Variants in NRG3 observed in about 807,000 individuals in gnomAD.
NRG3 encodes pro-neuregulin-3, membrane-bound isoform.
Under a neutral mutation model 66.9 loss-of-function variants are expected in NRG3, and 31 were observed. The observed-to-expected ratio is 0.46, with a 90% CI of 0.35 to 0.63. The LOEUF (loss-of-function observed/expected upper bound fraction) is 0.63, where lower values mean the gene tolerates loss of function less well. NRG3 is among the 20% of genes least tolerant of loss of function. The probability of loss-of-function intolerance (pLI) is 0.00; values close to 1 mark genes in which losing one functional copy is unlikely to be tolerated. For missense variants in NRG3, 910 were observed against 878.9 expected, an observed-to-expected ratio of 1.04 and a Z score of -0.45; for synonymous variants, 393 against 359.4, an observed-to-expected ratio of 1.09 and a Z score of -1.06.
chr10:82,587,681 C>T (rs1049794571), intron 2 of NRG3, among the ~76,000 whole-genome samples: 7 of 152,030 alleles, frequency 4.6e-5, no homozygotes, highest in Admixed American at 2.6e-4. Flanking sequence ...GTTCTAGAGC[C>T]GCTGATATGA....
intron 1 of NRG3, among the ~76,000 whole-genome samples, chr10:82,047,780 G>C (rs2133090272): frequency 6.6e-6 from 1 of 151,694 alleles, no homozygotes; most frequent in East Asian, 1.9e-4. Flanking sequence ...TGGACTAAAT[G>C]CTCCAATTAA....
intron 1 of NRG3, among the ~76,000 whole-genome samples, chr10:82,010,579 A>C (rs2061536486): frequency 6.6e-6 from 1 of 152,204 alleles, no homozygotes; most frequent in African/African-American, 2.4e-5. Flanking sequence ...TCTGCTGATC[A>C]TCTACTGCCT....
chr10:82,583,181 A>G (rs957436467), intron 2 of NRG3, among the ~76,000 whole-genome samples: 2 of 150,928 alleles, frequency 1.3e-5, no homozygotes, highest in Admixed American at 6.6e-5. Flanking sequence ...GAAGAAAAGC[A>G]CATGATTGAA....
At chr10:82,371,369 T>C (rs1377706529) in intron 2 of NRG3, among the ~76,000 whole-genome samples, 1 of 152,194 alleles carries the variant, frequency 6.6e-6, no homozygotes, top group South Asian at 2.1e-4. Flanking sequence ...TGTGAGGCTA[T>C]AGAATGGCAC....
intron 2 of NRG3, among the ~76,000 whole-genome samples, chr10:82,535,623 A>G (rs1427598021): frequency 6.6e-6 from 1 of 152,198 alleles, no homozygotes; most frequent in East Asian, 1.9e-4. Context: ...TTTTACATTT[A>G]GTCACACTAA....
At position 82,128,948 on chromosome 10, in the gene NRG3, CTG is replaced by C. The variant is rs2068633129; in HGVS notation, c.824-229789_824-229788del. ...AAATTTTTGAAGGTGGAGTCTCACTCTGTCATCCAGGCTGGAGTGCAGTGGCG... is the reference window on the plus strand; with the variant it reads ...AAATTTTTGAAGGTGGAGTCTCACTCTCATCCAGGCTGGAGTGCAGTGGCG... On this transcript the variant is annotated intron_variant, in intron 1 of 8. Coordinates refer to ENST00000372141, the MANE Select transcript of NRG3 (RefSeq NM_001010848.4). 2.0e-5 allele frequency among the ~76,000 whole-genome samples: 3 copies of C among 152,134 alleles called. No individual in the cohort carries two copies. The East Asian group carries it at 5.8e-4, about 29-fold the overall frequency.
chr10:82,615,130 G>C (rs1164398510), intron 2 of NRG3, among the ~76,000 whole-genome samples: 1 of 152,114 alleles, frequency 6.6e-6, no homozygotes, highest in Non-Finnish European at 1.5e-5. Flanking sequence ...TCAAATGCTT[G>C]TTAATTACCT....
intron 3 of NRG3, chr10:82,799,911 C>T (rs1470830029): frequency 6.6e-6 from 1 of 152,150 alleles, no homozygotes; most frequent in Non-Finnish European, 1.5e-5. Flanking sequence ...TCTGTGAATC[C>T]CTTTGACTTT....
chr10:82,451,533 G>T (rs1336321510), intron 2 of NRG3, among the ~76,000 whole-genome samples: 1 of 152,130 alleles, frequency 6.6e-6, no homozygotes, highest in African/African-American at 2.4e-5. Flanking sequence ...GAGCTTGGGT[G>T]TTTGTTTCCC....
At chr10:82,821,241 C>T (rs1026697808) in intron 3 of NRG3, among the ~76,000 whole-genome samples, 2 of 152,172 alleles carry the variant, frequency 1.3e-5, no homozygotes, top group Non-Finnish European at 2.9e-5. Flanking sequence ...GTCACCTCCC[C>T]ACTTCCCTTT....
At chr10:82,802,140 T>C (rs1285195650) in intron 3 of NRG3, among the ~76,000 whole-genome samples, 1 of 152,208 alleles carries the variant, frequency 6.6e-6, no homozygotes, top group Admixed American at 6.5e-5. Flanking sequence ...CAAATTCCTT[T>C]ACTCTAATAC....
At chr10:82,612,576 C>A (rs1379465755) in intron 2 of NRG3, among the ~76,000 whole-genome samples, 2 of 152,146 alleles carry the variant, frequency 1.3e-5, no homozygotes, top group Non-Finnish European at 2.9e-5. Context: ...TCTAAAAGTT[C>A]TCAAAATTGA....
chr10:81,875,877 G>T lies in NRG3; in HGVS notation c.537G>T (p.Pro179=). 1 of 1,611,218 alleles carries T rather than the reference G, an allele frequency of 6.2e-7. No homozygotes were observed. The highest frequency in any genetic ancestry group is 8.5e-7 in the Non-Finnish European group (1 of 1,179,788). ...PGHRVPIRAS[P]RSTTARNTAA... is the part of the protein sequence containing the mutation. ...ACCGGGTGCCCATCCGGGCCAGCCC[G>T]CGCTCCACCACAGCACGGAACACTG... Residue 179 remains proline (P), a synonymous_variant, in exon 1 of 9, where the codon CCG becomes CCT. Transcript: ENST00000372141. The surrounding 1 kb of genome is among the most constrained non-coding windows in gnomAD (Gnocchi z 5.3).
At chr10:82,336,162 C>T (rs1365398615) in intron 1 of NRG3, among the ~76,000 whole-genome samples, 1 of 151,958 alleles carries the variant, frequency 6.6e-6, no homozygotes, top group Admixed American at 6.5e-5. Context: ...GAAGGGTTCG[C>T]CAGGGAGGAT....
intron 1 of NRG3, among the ~76,000 whole-genome samples, chr10:82,227,418 CA>C (rs1434201487): frequency 6.6e-6 from 1 of 151,872 alleles, no homozygotes; most frequent in Non-Finnish European, 1.5e-5. Flanking sequence ...TTTATTGTAT[CA>C]TTTATTGATT....
At chr10:82,634,080 A>C (rs1186560279) in intron 2 of NRG3, among the ~76,000 whole-genome samples, 2 of 152,234 alleles carry the variant, frequency 1.3e-5, no homozygotes, top group Non-Finnish European at 2.9e-5. Context: ...AGATATTAGC[A>C]GCATGGGCCT....
intron 1 of NRG3, among the ~76,000 whole-genome samples, chr10:82,037,819 T>C (rs2062856104): frequency 6.6e-6 from 1 of 152,020 alleles, no homozygotes; most frequent in Admixed American, 6.6e-5. Flanking sequence ...AACTGTGTGT[T>C]CAAGAATTTG....
At chr10:82,213,846 A>G (rs2075524673) in intron 1 of NRG3, among the ~76,000 whole-genome samples, 2 of 152,158 alleles carry the variant, frequency 1.3e-5, no homozygotes, top group Non-Finnish European at 2.9e-5. Flanking sequence ...TTTTGTTATC[A>G]TTTTATATAA....
At chr10:82,204,914 G>A (rs2075042489) in intron 1 of NRG3, among the ~76,000 whole-genome samples, 1 of 152,166 alleles carries the variant, frequency 6.6e-6, no homozygotes, top group African/African-American at 2.4e-5. Flanking sequence ...ACAAGGTTTT[G>A]TGCTTAGTCC....
Sources: allele counts gnomAD v4.1 joint callset (sites outside exome capture counted in the v4.1 genomes callset), GRCh38; gene constraint gnomAD v4.1.1; non-coding constraint Gnocchi (gnomAD v3.1); transcripts MANE v1.5; gene names NCBI Gene and HGNC (gene_info 2026-07-23, HGNC 2026-07-21).